The following SHOX variants were observed in gnomAD, a reference collection of about 807,000 sequenced individuals.
SHOX encodes short stature homeobox protein.
A neutral mutation model predicts 29.6 loss-of-function variants in SHOX; 12 were observed. The ratio of observed to expected loss-of-function variants is 0.41; its 90% CI spans 0.26 to 0.66. The LOEUF (loss-of-function observed/expected upper bound fraction) is 0.66, where lower values mean the gene tolerates loss of function less well. Ranked by LOEUF, SHOX falls within the 30% of genes least tolerant of loss-of-function variation. The pLI is 0.35. For synonymous variants in SHOX, 214 were observed against 200.6 expected (o/e 1.07, Z -0.57); for missense variants, 499 against 437.7 (o/e 1.14, Z -1.25).
chrX:655,232 C>T (rs746224071), downstream of SHOX, among the ~76,000 whole-genome samples: 3 of 151,924 alleles, frequency 2.0e-5, no homozygotes, highest in East Asian at 2.0e-4. Flanking sequence ...CTCAGCCTCC[C>T]GAGTAGCTGG....
chrX:629,345 TTC>T (rs201752824), upstream of SHOX, among the ~76,000 whole-genome samples: 455 of 140,260 alleles, frequency 3.2e-3, 1 homozygote, highest in African/African-American at 0.012. Context: ...TTGACTCTCT[TTC>T]TCTCTGTCTC....
chrX:631,087 G>A lies in SHOX; in HGVS notation c.190G>A (p.Gly64Ser). ...SSLQDITEGG[G>S]HCPVHLFKDH... ...CCTCCAGGACATCACGGAGGGCGGC[G>A]GCCACTGCCCGGTGCATTTGTTCAA... Residue 64 changes from glycine (G) to serine (S), a missense_variant, in exon 1 of 5, where the codon GGC becomes AGC. By Grantham distance (56) the Gly-to-Ser change is moderately conservative. Transcript: ENST00000686671. 2 of 1,613,752 alleles carry A rather than the reference G, an allele frequency of 1.2e-6. No homozygotes were observed. The highest frequency in any genetic ancestry group is 1.7e-6 in the Non-Finnish European group (2 of 1,179,862).
Position 648,293 on chromosome X carries a change from C to G in SHOX, c.*3657C>G, listed in dbSNP as rs2052991105. Among the ~76,000 whole-genome samples, 2 of 148,704 alleles carry G rather than the reference C, an allele frequency of 1.3e-5. No homozygotes were observed. Among genetic ancestry groups the G allele is most frequent in the Non-Finnish European group, 3.0e-5 (2 of 67,368 alleles). ...GAGTAGCTGGGATTACAGGCACCTG[C>G]CACCAGGCCTGGGTAACTTTCTGGT... On this transcript the variant is annotated 3_prime_UTR_variant, in exon 5 of 5. Coordinates refer to ENST00000686671, the MANE Select transcript of SHOX (RefSeq NM_000451.4).
intron 2 of SHOX, among the ~76,000 whole-genome samples, chrX:635,834 G>C (rs757826414): frequency 5.2e-4 from 76 of 147,414 alleles, no homozygotes; most frequent in South Asian, 1.5e-3. Context: ...TCCTGGTTCT[G>C]GGCAGGACAG....
In SHOX at chrX:650,792, T is replaced by TAAAAAAAAAAAAAAAAAA. The variant is rs1041655715; in HGVS notation, c.*6166_*6183dup. On this transcript the variant is annotated 3_prime_UTR_variant, in exon 5 of 5. Coordinates refer to ENST00000686671, the MANE Select transcript of SHOX (RefSeq NM_000451.4). Reference sequence around the variant, plus strand: ...GGCTTTCGGTGGACACGTTTGACATTAAAAAAAAAAAAAAAAAAAAAAAAA... The same window carrying TAAAAAAAAAAAAAAAAAA: ...GGCTTTCGGTGGACACGTTTGACATTAAAAAAAAAAAAAAAAAAAAAAAAAAAAAAAAAAAAAAAAAAA... Among the ~76,000 whole-genome samples the TAAAAAAAAAAAAAAAAAA allele has an allele frequency of 2.0e-5, 1 of 50,830 alleles. No individual in the cohort carries two copies. The highest frequency in any genetic ancestry group is 3.7e-5 in the Non-Finnish European group (1 of 27,068). The allele number at this position is 50,830 out of a possible 152,430, so 33.3% of individuals were successfully genotyped here. A position where few individuals can be genotyped will look rare whatever the true frequency, so the allele number is the denominator to read the frequency against.
intron 2 of SHOX, among the ~76,000 whole-genome samples, chrX:640,507 T>C (rs960520037): frequency 3.1e-4 from 47 of 151,686 alleles, no homozygotes; most frequent in Non-Finnish European, 5.6e-4. Flanking sequence ...ACCTGGGAGG[T>C]GGAGCTTGCA....
chrX:651,837 C>T (rs1013501132), downstream of SHOX, among the ~76,000 whole-genome samples: 3 of 151,910 alleles, frequency 2.0e-5, no homozygotes, highest in African/African-American at 7.3e-5. Flanking sequence ...AACGTCCCCC[C>T]AGAAGGTGGC....
chrX:642,562 G>T lies in SHOX; in HGVS notation c.633+1475G>T, dbSNP rs541694574. Among the ~76,000 whole-genome samples, 233 of 152,348 alleles carry T rather than the reference G, an allele frequency of 1.5e-3. 1 individual carries two copies. The Middle Eastern group carries it at 0.031, about 20-fold the overall frequency. The stretch of plus-strand genomic sequence containing the variant: ...GGAGAGGGGTCCGCATCCCTCCGCG[G>T]TTCTCCTCTCCTGGGTACCTGGCCT... On this transcript the variant is annotated intron_variant, in intron 4 of 4. Coordinates refer to ENST00000686671, the MANE Select transcript of SHOX (RefSeq NM_000451.4).
At chrX:643,613 TGGGAGAGCCTTGGGGATCTGGTGTCCTG>T (rs2052906129) in intron 4 of SHOX, among the ~76,000 whole-genome samples, 1 of 86,850 alleles carries the variant, frequency 1.2e-5, no homozygotes, top group Non-Finnish European at 2.3e-5. Context: ...CCTGGTGTCC[TGGGAGAGCCTTGGGGATCTGGTGTCCTG>T]GGGAGAGGCT....
rs1035178182 is a variant in SHOX at position 649,879 on chromosome X, T to C, written c.*5243T>C. 13 of 455,726 alleles carry C rather than the reference T, an allele frequency of 2.9e-5. No homozygotes were observed. Among genetic ancestry groups the C allele is most frequent in the Admixed American group, 2.8e-4 (12 of 42,494 alleles). 28.2% of individuals were successfully genotyped at this position (455,726 alleles called of 1,614,324 possible). ...CACTTCTTCCTTTGAGTGGCTGTTC[T>C]GGTGAAATCTGTTTCTGACATATCC... is the stretch of plus-strand genomic sequence containing the variant. On this transcript the variant is annotated 3_prime_UTR_variant, in exon 5 of 5. Coordinates refer to ENST00000686671, the MANE Select transcript of SHOX (RefSeq NM_000451.4).
Position 641,007 on chromosome X carries a change from T to C in SHOX, c.553T>C (p.Leu185=), listed in dbSNP as rs767154508. ...GCTCCCTTTGGACACAGGCGTCATC[T>C]TGGGCACAGCCAACCACCTAGACGC... is the stretch of plus-strand genomic sequence containing the variant. ...QENQMHKGVI[L]GTANHLDACR... Residue 185 remains leucine (L), a synonymous_variant, in exon 4 of 5, where the codon TTG becomes CTG. Coordinates refer to ENST00000686671, the MANE Select transcript of SHOX (RefSeq NM_000451.4). 3 of 1,613,868 alleles carry C rather than the reference T, an allele frequency of 1.9e-6. No homozygotes were observed. The South Asian group carries it at 3.3e-5, about 18-fold the overall frequency.
Position 636,700 on chromosome X carries a change from ATATATATAAACATATATATACATAAAAT to A in SHOX, c.486+1875_486+1902del, listed in dbSNP as rs2052762361. Reference sequence around the variant, plus strand: ...ATATAAACATATATATACATAAAATATATATATAAACATATATATACATAAAATATATATATAAACATATATATACATA... The same window carrying A: ...ATATAAACATATATATACATAAAATAATATATATAAACATATATATACATA... On this transcript the variant is annotated intron_variant, in intron 2 of 4. Coordinates refer to ENST00000686671, the MANE Select transcript of SHOX (RefSeq NM_000451.4). 3.3e-4 allele frequency among the ~76,000 whole-genome samples: 2 copies of A among 6,004 alleles called. 1 individual carries two copies. The highest frequency in any genetic ancestry group is 4.9e-4 in the Non-Finnish European group (2 of 4,122). 3.9% of individuals were successfully genotyped at this position (6,004 alleles called of 152,430 possible).
chrX:644,867 G>T lies in SHOX; in HGVS notation c.*231G>T. 1.8e-6 allele frequency: 1 copy of T among 553,030 alleles called. No homozygotes were observed. The highest frequency in any genetic ancestry group is 2.9e-6 in the Non-Finnish European group (1 of 346,772). 34.3% of individuals were successfully genotyped at this position (553,030 alleles called of 1,614,324 possible). ...GAAGGCGGAGCGGGTGAGCGGCCGT[G>T]CGTCCAGCCCGGGCCTCTCCAAGGC... is the stretch of plus-strand genomic sequence containing the variant. On this transcript the variant is annotated 3_prime_UTR_variant, in exon 5 of 5. Transcript: ENST00000686671.
At chrX:655,610 C>CTATA (rs2053134114), downstream of SHOX, among the ~76,000 whole-genome samples, 1 of 19,146 alleles carries the variant, frequency 5.2e-5, no homozygotes, top group African/African-American at 2.3e-4. Context: ...CTCTCTCTCT[C>CTATA]TCTCTATATA....
chrX:646,584 C>T lies in SHOX; in HGVS notation c.*1948C>T, dbSNP rs1240499301. ...TTTTCTTCCGCATAACACTTTCTAT[C>T]TTGTCACTGAGCTGAACTGTAGATC... On this transcript the variant is annotated 3_prime_UTR_variant, in exon 5 of 5. Transcript: ENST00000686671. 4 of 151,596 alleles carry T rather than the reference C, an allele frequency of 2.6e-5. No individual in the cohort carries two copies. Among genetic ancestry groups the T allele is most frequent in the African/African-American group, 9.7e-5 (4 of 41,268 alleles). The allele number at this position is 151,596 out of a possible 1,614,324, so 9.4% of individuals were successfully genotyped here.
intron 2 of SHOX, among the ~76,000 whole-genome samples, chrX:638,820 C>T (rs1038839113): frequency 1.3e-5 from 2 of 152,228 alleles, no homozygotes; most frequent in Non-Finnish European, 2.9e-5. Flanking sequence ...TTGCCCACAA[C>T]AGCCGGAGTG....
chrX:630,878 C>A lies in SHOX; in HGVS notation c.-20C>A. On this transcript the variant is annotated 5_prime_UTR_variant, in exon 1 of 5. Coordinates refer to ENST00000686671, the MANE Select transcript of SHOX (RefSeq NM_000451.4). ...CGCGCATCCACCAGCCCCGGCTGCT[C>A]GCCAGCCCCGGCCCCAGCCATGGAA... 6.2e-7 allele frequency: 1 copy of A among 1,612,380 alleles called. No individual in the cohort carries two copies. The highest frequency in any genetic ancestry group is 8.5e-7 in the Non-Finnish European group (1 of 1,179,762).
upstream of SHOX, among the ~76,000 whole-genome samples, chrX:627,705 C>G (rs1470552903): frequency 6.6e-6 from 1 of 152,174 alleles, no homozygotes; most frequent in African/African-American, 2.4e-5. Context: ...CATGCTCATT[C>G]CTGGAGGCTC....
At chrX:626,940 C>T (rs1185282557), upstream of SHOX, among the ~76,000 whole-genome samples, 1 of 151,438 alleles carries the variant, frequency 6.6e-6, no homozygotes, top group Non-Finnish European at 1.5e-5. Context: ...TCTCTTTCCT[C>T]TCTCTTTTTC....
Sources: allele counts gnomAD v4.1 joint callset (sites outside exome capture counted in the v4.1 genomes callset), GRCh38; gene constraint gnomAD v4.1.1; transcripts MANE v1.5; gene names NCBI Gene and HGNC (gene_info 2026-07-23, HGNC 2026-07-21).